HNF4G: variants seen among roughly 807,000 people sequenced by gnomAD.
HNF4G encodes the protein hepatocyte nuclear factor 4 gamma, also known as hepatocyte nuclear factor 4-gamma.
HNF4G carries 21 observed loss-of-function variants against 50.9 expected under a neutral mutation model. That is an observed-to-expected ratio of 0.41 (90% confidence interval 0.29 to 0.59). The LOEUF is 0.59. HNF4G is among the 20% of genes least tolerant of loss of function. The probability of loss-of-function intolerance (pLI) is 0.26; values close to 1 mark genes in which losing one functional copy is unlikely to be tolerated. For synonymous variants in HNF4G, 198 were observed against 185.6 expected (o/e 1.07, Z -0.54); for missense variants, 527 against 559.4 (o/e 0.94, Z 0.58).
intron 1 of HNF4G, among the ~76,000 whole-genome samples, chr8:75,411,409 T>C (rs1298299857): frequency 6.6e-6 from 1 of 152,218 alleles, no homozygotes. Flanking sequence ...ACCTATTGGT[T>C]TCCATATGTA....
intron 1 of HNF4G, among the ~76,000 whole-genome samples, chr8:75,482,460 A>G (rs1466352800): frequency 2.0e-5 from 3 of 151,686 alleles, no homozygotes; most frequent in Non-Finnish European, 4.4e-5. Context: ...TCCGCCTCCC[A>G]GGTTCAAGCG....
intron 4 of HNF4G, among the ~76,000 whole-genome samples, chr8:75,552,095 G>A (rs922598178): frequency 1.3e-5 from 2 of 151,976 alleles, no homozygotes; most frequent in Non-Finnish European, 2.9e-5. Flanking sequence ...ACTTACTTTA[G>A]CATTGCCCTT....
At chr8:75,523,201 G>GC (rs1327927882) in intron 2 of HNF4G, among the ~76,000 whole-genome samples, 1 of 151,970 alleles carries the variant, frequency 6.6e-6, no homozygotes, top group Non-Finnish European at 1.5e-5. Flanking sequence ...CTCCAGCCTG[G>GC]CAACAGAGTG....
chr8:75,544,633 G>A (rs1210673414), intron 2 of HNF4G, among the ~76,000 whole-genome samples: 1 of 132,576 alleles, frequency 7.5e-6, no homozygotes, highest in African/African-American at 3.1e-5. Flanking sequence ...CGCATTTCCA[G>A]TAGGCTGTTT....
At chr8:75,553,882 C>T (rs1013069348) in intron 5 of HNF4G, among the ~76,000 whole-genome samples, 2 of 152,038 alleles carry the variant, frequency 1.3e-5, no homozygotes, top group African/African-American at 4.8e-5. Context: ...TTAATAAATA[C>T]TTAGGAACTT....
At chr8:75,487,619 C>T (rs1812527312) in intron 1 of HNF4G, among the ~76,000 whole-genome samples, 3 of 152,244 alleles carry the variant, frequency 2.0e-5, no homozygotes, top group Admixed American at 2.0e-4. Flanking sequence ...CCAGCTTAGA[C>T]CCAGTTTCAT....
At position 75,448,439 on chromosome 8, in the gene HNF4G, A is replaced by AT. The variant is rs1268738298; in HGVS notation, c.-144+40277_-144+40278insT. On this transcript the variant is annotated intron_variant, in intron 1 of 10. Transcript: ENST00000354370. The stretch of plus-strand genomic sequence containing the variant: ...AAACTTAAAGTATAAAAAAAAAAAA[A>AT]AAAAAGTGTCAGACATGATACAAGA... Among the ~76,000 whole-genome samples the AT allele has an allele frequency of 6.8e-3, 583 of 86,292 alleles. 6 individuals are homozygous for AT. The highest frequency in any genetic ancestry group is 0.031 in the African/African-American group (519 of 16,652). 56.6% of individuals were successfully genotyped at this position (86,292 alleles called of 152,430 possible).
intron 6 of HNF4G, 144 bp from the exon 7 acceptor site, chr8:75,558,374 A>C (rs773433676): frequency 3.0e-5 from 20 of 670,004 alleles, no homozygotes; most frequent in Non-Finnish European, 3.6e-5. Context: ...ATAACTAACA[A>C]CACCACTGAG....
rs1331293693 is a variant in HNF4G at position 75,424,654 on chromosome 8, T to C, written c.-144+16492T>C. Among the ~76,000 whole-genome samples the C allele has an allele frequency of 2.6e-5, 4 of 152,282 alleles. No individual in the cohort carries two copies. In the East Asian group the frequency reaches 7.7e-4, roughly 29 times the overall value. On this transcript the variant is annotated intron_variant, in intron 1 of 10. Transcript: ENST00000354370. ...AACATGCAATAACTGGTTTTCTGTG[T>C]TTGTGTTAATTTGCATAGGATAATG...
chr8:75,518,522 A>C (rs2130740486), intron 2 of HNF4G, among the ~76,000 whole-genome samples: 1 of 152,240 alleles, frequency 6.6e-6, no homozygotes, highest in South Asian at 2.1e-4. Context: ...CTATAAAGAC[A>C]CATGCACACA....
At chr8:75,482,054 A>G (rs1250902485) in intron 1 of HNF4G, among the ~76,000 whole-genome samples, 2 of 152,204 alleles carry the variant, frequency 1.3e-5, no homozygotes, top group African/African-American at 4.8e-5. Context: ...AACAACTGTC[A>G]AGCGCAATAT....
intron 2 of HNF4G, among the ~76,000 whole-genome samples, chr8:75,491,644 T>G (rs1009760504): frequency 6.6e-6 from 1 of 151,990 alleles, no homozygotes; most frequent in African/African-American, 2.4e-5. Flanking sequence ...GCCAGCTAAT[T>G]TTTGTATTTT....
At chr8:75,493,842 C>A (rs1812690600) in intron 2 of HNF4G, among the ~76,000 whole-genome samples, 1 of 151,486 alleles carries the variant, frequency 6.6e-6, no homozygotes, top group African/African-American at 2.4e-5. Context: ...TATTCTTTTT[C>A]AAAAAAAATG....
chr8:75,564,819 C>T lies in HNF4G; in HGVS notation c.*723C>T, dbSNP rs1260988098. ...GAAACCCCTAAAACAGTGACTAAAT[C>T]AAGAGAGGAATCTATTTCTTTCTCC... On this transcript the variant is annotated 3_prime_UTR_variant, in exon 10 of 10. Coordinates refer to ENST00000396423, the MANE Select transcript of HNF4G (RefSeq NM_004133.5). 1.3e-5 allele frequency: 2 copies of T among 152,134 alleles called. No individual in the cohort carries two copies. Among genetic ancestry groups the T allele is most frequent in the Non-Finnish European group, 2.9e-5 (2 of 68,012 alleles). 9.4% of individuals were successfully genotyped at this position (152,134 alleles called of 1,614,324 possible).
At chr8:75,407,738 G>GAAAC (rs535181928), upstream of HNF4G, among the ~76,000 whole-genome samples, 247 of 152,180 alleles carry the variant, frequency 1.6e-3, no homozygotes, top group South Asian at 7.1e-3. Flanking sequence ...TCGGGAAAAA[G>GAAAC]AAACAAACAA....
chr8:75,458,217 A>G (rs914589008), intron 1 of HNF4G, among the ~76,000 whole-genome samples: 10 of 152,126 alleles, frequency 6.6e-5, no homozygotes, highest in Non-Finnish European at 1.5e-5. Flanking sequence ...CACTGAATGA[A>G]TGTATATAGA....
At position 75,560,510 on chromosome 8, in the gene HNF4G, C is replaced by T. The variant is rs1447001416; in HGVS notation, c.1246+44C>T. ...TTTCAACCAAGATATTTCTTAATTA[C>T]CCAAGAAAAAGTGGAATTGTGGGAA... On this transcript the variant is annotated intron_variant, in intron 9 of 9. Transcript: ENST00000396423. 8 of 1,565,432 alleles carry T rather than the reference C, an allele frequency of 5.1e-6. No homozygotes were observed. The East Asian group carries it at 1.1e-4, about 22-fold the overall frequency.
chr8:75,553,042 A>T lies in HNF4G; in HGVS notation c.490A>T (p.Ile164Phe). 6.2e-7 allele frequency: 1 copy of T among 1,602,928 alleles called. No individual in the cohort carries two copies. The highest frequency in any genetic ancestry group is 8.5e-7 in the Non-Finnish European group (1 of 1,173,028). The change falls in exon 5 of 10, where the codon ATC becomes TTC. Residue 164 changes from isoleucine to phenylalanine, a missense_variant and splice_region_variant. Coordinates refer to ENST00000396423, the MANE Select transcript of HNF4G (RefSeq NM_004133.5). ...AATATAATGCTTTTCTTAATACTAG[A>T]TCTCAGTCTCAAGCCCTGGGTCAAG... ...LAQAEVRSRQ[I>F]SVSSPGSSTD...
chr8:75,537,347 G>A (rs1806491427), upstream of HNF4G, among the ~76,000 whole-genome samples: 1 of 152,042 alleles, frequency 6.6e-6, no homozygotes, highest in South Asian at 2.1e-4. Context: ...AGGTTCAAAT[G>A]ATTCTCCTGC....
Sources: allele counts gnomAD v4.1 joint callset (sites outside exome capture counted in the v4.1 genomes callset), GRCh38; gene constraint gnomAD v4.1.1; transcripts MANE v1.5; gene names NCBI Gene and HGNC (gene_info 2026-07-23, HGNC 2026-07-21).